The following PSEN1 variants were observed in gnomAD, a reference collection of about 807,000 sequenced individuals.
PSEN1 encodes the protein presenilin 1.
A neutral mutation model predicts 53.5 loss-of-function variants in PSEN1; 15 were observed. The observed-to-expected ratio is 0.28, with a 90% CI of 0.19 to 0.43. PSEN1 has a LOEUF of 0.43. PSEN1 is among the 20% of genes least tolerant of loss of function. The probability of loss-of-function intolerance (pLI) is 1.00; values close to 1 mark genes in which losing one functional copy is unlikely to be tolerated. For synonymous variants in PSEN1, 208 were observed against 209.8 expected (o/e 0.99, Z 0.08); for missense variants, 387 against 571.2 (o/e 0.68, Z 3.29).
rs944080673 is a variant in PSEN1 at position 73,139,670 on chromosome 14, T to C, written c.-136+3087T>C. ...ACAATATACCTAACATATTTTTATT[T>C]CAATATCTAACCAGTATAAAAATTT... On this transcript the variant is annotated intron_variant, in intron 1 of 11. Coordinates refer to ENST00000324501, the MANE Select transcript of PSEN1 (RefSeq NM_000021.4). Among the ~76,000 whole-genome samples, 9 of 152,362 alleles carry C rather than the reference T, an allele frequency of 5.9e-5. No individual in the cohort carries two copies. In the East Asian group the frequency reaches 1.7e-3, roughly 29 times the overall value.
intron 3 of PSEN1, among the ~76,000 whole-genome samples, chr14:73,148,857 C>G (rs1420894073): frequency 2.6e-5 from 4 of 152,090 alleles, no homozygotes. Context: ...CGCTGGAACC[C>G]AGGAGGTGGA....
intron 3 of PSEN1, among the ~76,000 whole-genome samples, chr14:73,158,282 TTCTATCTA>T (rs56240305): frequency 0.039 from 5,489 of 141,522 alleles, 146 homozygotes; most frequent in Middle Eastern, 0.096. Context: ...TAACTTTTTT[TTCTATCTA>T]TCTATCTATC....
chr14:73,219,332 A>C lies in PSEN1; in HGVS notation c.*43A>C, dbSNP rs776076782. The C allele has an allele frequency of 1.6e-5, 25 of 1,579,400 alleles. No homozygotes were observed. The East Asian group carries it at 5.1e-4, about 32-fold the overall frequency. The stretch of plus-strand genomic sequence containing the variant: ...TCCCATGGATGTTTCTTCTTTGACT[A>C]TAACAAAATCTGGGGAGGACAAAGG... On this transcript the variant is annotated 3_prime_UTR_variant, in exon 12 of 12. Transcript: ENST00000324501.
intron 7 of PSEN1, 174 bp from the exon 8 acceptor site, chr14:73,197,857 C>G: frequency 1.7e-6 from 1 of 603,272 alleles, no homozygotes; most frequent in Non-Finnish European, 2.9e-6. Context: ...TATGTTGTCT[C>G]CCCCACCCCC....
intron 3 of PSEN1, among the ~76,000 whole-genome samples, chr14:73,166,541 TAATC>T (rs1173935098): frequency 6.6e-6 from 1 of 152,224 alleles, no homozygotes; most frequent in Non-Finnish European, 1.5e-5. Flanking sequence ...TTGTGAACAT[TAATC>T]AGCCAATCAA....
chr14:73,204,152 C>T (rs886727529), intron 8 of PSEN1, among the ~76,000 whole-genome samples: 2 of 152,108 alleles, frequency 1.3e-5, no homozygotes, highest in Admixed American at 6.5e-5. Flanking sequence ...ACATGCACCA[C>T]CACACCGGGC....
chr14:73,177,487 A>G (rs955456301), intron 5 of PSEN1, among the ~76,000 whole-genome samples: 8 of 152,138 alleles, frequency 5.3e-5, no homozygotes, highest in Non-Finnish European at 1.2e-4. Context: ...CCGCTATGCC[A>G]GGACAGCCGT....
At chr14:73,169,104 T>C (rs1166253280) in intron 3 of PSEN1, 1 of 152,234 alleles carries the variant, frequency 6.6e-6, no homozygotes, top group Non-Finnish European at 1.5e-5. Context: ...TTCACTGTTT[T>C]ACTTTTGTAA....
chr14:73,167,020 TGTC>T (rs1897737308), intron 3 of PSEN1, among the ~76,000 whole-genome samples: 1 of 152,172 alleles, frequency 6.6e-6, no homozygotes, highest in Non-Finnish European at 1.5e-5. Context: ...ATTTTGTTGT[TGTC>T]ATTTGTTTTC....
At chr14:73,202,462 ATTTTTTTTTT>A (rs1166113102) in intron 8 of PSEN1, among the ~76,000 whole-genome samples, 1 of 11,532 alleles carries the variant, frequency 8.7e-5, no homozygotes, top group African/African-American at 4.3e-4. Flanking sequence ...ATATATATAT[ATTTTTTTTTT>A]TTTTTTTTTT....
rs1896913116 is a variant in PSEN1, at chr14:73,141,123, T to C, written c.-136+4540T>C. On this transcript the variant is annotated intron_variant, in intron 1 of 11. Transcript: ENST00000324501. Reference sequence around the variant, plus strand: ...TTGACCAAAGCAAGTCACATGATCATGCCCAAAGACTTAGGAGTGGGTAGT... The same window carrying C: ...TTGACCAAAGCAAGTCACATGATCACGCCCAAAGACTTAGGAGTGGGTAGT... Among the ~76,000 whole-genome samples the C allele has an allele frequency of 3.3e-5, 5 of 152,322 alleles. No homozygotes were observed. The South Asian group carries it at 8.3e-4, about 25-fold the overall frequency.
intron 3 of PSEN1, among the ~76,000 whole-genome samples, chr14:73,167,584 A>G (rs2140027875): frequency 6.6e-6 from 1 of 152,022 alleles, no homozygotes; most frequent in East Asian, 1.9e-4. Flanking sequence ...CAGTACATGA[A>G]TTTTTAGGGG....
At chr14:73,216,487 G>A (rs577543709) in intron 10 of PSEN1, among the ~76,000 whole-genome samples, 220 of 152,222 alleles carry the variant, frequency 1.4e-3, no homozygotes, top group African/African-American at 4.9e-3. Flanking sequence ...TAGGCCATGT[G>A]TGGTGGCTCA....
chr14:73,209,296 T>G (rs1202952846), intron 9 of PSEN1, among the ~76,000 whole-genome samples: 2 of 152,222 alleles, frequency 1.3e-5, no homozygotes, highest in Non-Finnish European at 2.9e-5. Context: ...CTGCCATCTT[T>G]GCAGCAGCCA....
chr14:73,189,798 T>C, intron 6 of PSEN1: 1 of 245,944 alleles, frequency 4.1e-6, no homozygotes, highest in Non-Finnish European at 8.5e-6. Context: ...TGCCCCCAGC[T>C]CCCCTTAAGC....
intron 3 of PSEN1, among the ~76,000 whole-genome samples, chr14:73,159,594 C>A (rs544031190): frequency 6.6e-6 from 1 of 152,290 alleles, no homozygotes; most frequent in African/African-American, 2.4e-5. Context: ...AGACTATTTT[C>A]TCCACTGAAG....
At chr14:73,137,415 C>T (rs1403297309) in intron 1 of PSEN1, among the ~76,000 whole-genome samples, 2 of 151,996 alleles carry the variant, frequency 1.3e-5, no homozygotes, top group Non-Finnish European at 2.9e-5. Context: ...GAGAGGAGGG[C>T]GAGGAAGTGG....
At chr14:73,171,282 A>G (rs2140037924) in intron 4 of PSEN1, among the ~76,000 whole-genome samples, 1 of 152,344 alleles carries the variant, frequency 6.6e-6, no homozygotes, top group South Asian at 2.1e-4. Flanking sequence ...ATAGGGCTGA[A>G]GTTATGCTGA....
At chr14:73,194,860 G>T (rs931518249) in intron 7 of PSEN1, among the ~76,000 whole-genome samples, 1 of 151,574 alleles carries the variant, frequency 6.6e-6, no homozygotes, top group Non-Finnish European at 1.5e-5. Context: ...GAGCCACCGT[G>T]CCCGGCCTGG....
Sources: allele counts gnomAD v4.1 joint callset (sites outside exome capture counted in the v4.1 genomes callset), GRCh38; gene constraint gnomAD v4.1.1; transcripts MANE v1.5; gene names NCBI Gene and HGNC (gene_info 2026-07-23, HGNC 2026-07-21).